Variants in PDGFC observed in about 807,000 individuals in gnomAD.
The protein encoded by PDGFC is platelet derived growth factor C.
A neutral mutation model predicts 35.5 loss-of-function variants in PDGFC; 12 were observed. The ratio of observed to expected loss-of-function variants is 0.34; its 90% CI spans 0.22 to 0.55. The LOEUF is 0.55. Among genes scored for constraint, PDGFC ranks in the 20% least tolerant of loss-of-function variants. The probability of loss-of-function intolerance (pLI) is 0.91; values close to 1 mark genes in which losing one functional copy is unlikely to be tolerated. For synonymous variants in PDGFC, 159 were observed against 148.8 expected, an observed-to-expected ratio of 1.07 and a Z score of -0.50; for missense variants, 322 against 412.4, an observed-to-expected ratio of 0.78 and a Z score of 1.90.
intron 1 of PDGFC, among the ~76,000 whole-genome samples, chr4:156,897,906 G>T (rs528553758): frequency 1.3e-5 from 2 of 152,300 alleles, no homozygotes; most frequent in East Asian, 3.9e-4. Context: ...ACACCATAAA[G>T]CTGTCCGTCT....
intron 1 of PDGFC, among the ~76,000 whole-genome samples, chr4:156,959,933 A>T (rs2110967210): frequency 6.6e-6 from 1 of 152,056 alleles, no homozygotes; most frequent in East Asian, 1.9e-4. Flanking sequence ...TTAAAGATAA[A>T]TTTTTCACCG....
At chr4:156,806,626 T>C (rs1246130943) in intron 3 of PDGFC, among the ~76,000 whole-genome samples, 3 of 152,008 alleles carry the variant, frequency 2.0e-5, no homozygotes, top group Admixed American at 6.6e-5. Flanking sequence ...CAGATTTAGA[T>C]TTGTATATTT....
intron 1 of PDGFC, among the ~76,000 whole-genome samples, chr4:156,892,465 C>G (rs886514037): frequency 2.6e-5 from 4 of 151,518 alleles, no homozygotes; most frequent in Non-Finnish European, 5.9e-5. Flanking sequence ...TTTTCATTTC[C>G]TGATGGTACC....
intron 3 of PDGFC, among the ~76,000 whole-genome samples, chr4:156,786,874 C>T (rs923894689): frequency 1.7e-4 from 26 of 152,204 alleles, no homozygotes; most frequent in African/African-American, 6.3e-4. Context: ...TATCATCTGC[C>T]TTATGTTTAA....
intron 1 of PDGFC, among the ~76,000 whole-genome samples, chr4:156,852,836 G>A (rs879653670): frequency 6.6e-6 from 1 of 152,214 alleles, no homozygotes; most frequent in Non-Finnish European, 1.5e-5. Flanking sequence ...GCCAATGGAT[G>A]TGGGAAGCCT....
intron 2 of PDGFC, among the ~76,000 whole-genome samples, chr4:156,846,404 C>T (rs911141024): frequency 6.6e-6 from 1 of 151,544 alleles, no homozygotes; most frequent in African/African-American, 2.4e-5. Context: ...ATTGAGAGAT[C>T]TAATTATGAA....
At chr4:156,884,972 A>G (rs889544694) in intron 1 of PDGFC, among the ~76,000 whole-genome samples, 6 of 152,312 alleles carry the variant, frequency 3.9e-5, no homozygotes, top group African/African-American at 1.4e-4. Context: ...CTCTTAATAT[A>G]AACTCAATTA....
At chr4:156,826,055 G>C (rs1240020630) in intron 2 of PDGFC, among the ~76,000 whole-genome samples, 1 of 151,036 alleles carries the variant, frequency 6.6e-6, no homozygotes, top group African/African-American at 2.4e-5. Flanking sequence ...TTTTTTTAGA[G>C]AAGGGGTCTT....
At chr4:156,903,992 T>A (rs1192665295) in intron 1 of PDGFC, among the ~76,000 whole-genome samples, 1 of 152,076 alleles carries the variant, frequency 6.6e-6, no homozygotes, top group African/African-American at 2.4e-5. Flanking sequence ...CTTGTTAGTA[T>A]CCAAAACCAG....
At chr4:156,864,485 A>G (rs926093299) in intron 1 of PDGFC, among the ~76,000 whole-genome samples, 2 of 152,096 alleles carry the variant, frequency 1.3e-5, no homozygotes, top group Non-Finnish European at 2.9e-5. Context: ...ATAAAATGCC[A>G]TTTTCTTGGC....
intron 1 of PDGFC, among the ~76,000 whole-genome samples, chr4:156,938,145 A>G (rs901980013): frequency 6.6e-6 from 1 of 152,150 alleles, no homozygotes; most frequent in Non-Finnish European, 1.5e-5. Context: ...AAATACACAC[A>G]CACACACATA....
intron 4 of PDGFC, among the ~76,000 whole-genome samples, chr4:156,768,318 A>T (rs1730597023): frequency 2.0e-5 from 1 of 49,866 alleles, no homozygotes; most frequent in South Asian, 1.4e-3. Context: ...AACCTTAGTA[A>T]AAAAAAAAAA....
chr4:156,951,928 GA>G (rs1343798589), intron 1 of PDGFC, among the ~76,000 whole-genome samples: 1 of 151,648 alleles, frequency 6.6e-6, no homozygotes, highest in Non-Finnish European at 1.5e-5. Context: ...TAGGAAAAAA[GA>G]GTATTCTTCT....
chr4:156,970,889 C>T lies in PDGFC; in HGVS notation c.15G>A (p.Gly5=). 6.2e-7 allele frequency: 1 copy of T among 1,612,734 alleles called. No individual in the cohort carries two copies. The highest frequency in any genetic ancestry group is 2.2e-5 in the East Asian group (1 of 44,842). The change falls in exon 1 of 6, where the codon GGG becomes GGA. Residue 5 remains glycine, a synonymous_variant. Coordinates refer to ENST00000502773, the MANE Select transcript of PDGFC (RefSeq NM_016205.3). MSLF[G]LLLLTSALAG... is the part of the protein sequence containing the mutation. The stretch of plus-strand genomic sequence containing the variant: ...CCAGGGCAGATGTCAGCAGGAGAAG[C>T]CCGAAGAGGCTCATTTGGCTGACTG...
At chr4:156,763,363 CAA>C (rs33986749) in intron 5 of PDGFC, among the ~76,000 whole-genome samples, 157 bp from the exon 6 acceptor site, 1,397 of 97,086 alleles carry the variant, frequency 0.014, 30 homozygotes, top group African/African-American at 0.043. Flanking sequence ...ACTCTCCCAC[CAA>C]AAAAAAAAAA....
intron 3 of PDGFC, among the ~76,000 whole-genome samples, chr4:156,785,827 G>C (rs1441784495): frequency 1.3e-5 from 2 of 152,160 alleles, no homozygotes; most frequent in African/African-American, 2.4e-5. Flanking sequence ...GTCACAGTGA[G>C]ATTTAATAAA....
chr4:156,842,502 C>T (rs1729229789), intron 2 of PDGFC, among the ~76,000 whole-genome samples: 1 of 151,952 alleles, frequency 6.6e-6, no homozygotes, highest in African/African-American at 2.4e-5. Context: ...GCCTTCAATC[C>T]CTCCTTCAAC....
At chr4:156,813,637 C>A (rs1226014115) in intron 2 of PDGFC, among the ~76,000 whole-genome samples, 3 of 151,922 alleles carry the variant, frequency 2.0e-5, no homozygotes, top group African/African-American at 7.3e-5. Flanking sequence ...GGGTGGGAAA[C>A]AAAAATCAGA....
rs188300529 is a variant in PDGFC at position 156,916,851 on chromosome 4, T to C, written c.118+53935A>G. ...AAGATAAAAAACAGCTACTATGTCC[T>C]AAATTACTAAAAACTATCCAAAACT... On this transcript the variant is annotated intron_variant, in intron 1 of 5. Transcript: ENST00000502773. Among the ~76,000 whole-genome samples the C allele has an allele frequency of 8.6e-4, 131 of 152,312 alleles. No homozygotes were observed. The South Asian group carries it at 0.017, about 20-fold the overall frequency.
Sources: allele counts gnomAD v4.1 joint callset (sites outside exome capture counted in the v4.1 genomes callset), GRCh38; gene constraint gnomAD v4.1.1; transcripts MANE v1.5; gene names NCBI Gene and HGNC (gene_info 2026-07-23, HGNC 2026-07-21).